ABCA12: variants seen among roughly 807,000 people sequenced by gnomAD.
The protein encoded by ABCA12 is ATP binding cassette subfamily A member 12, also known as glucosylceramide transporter ABCA12.
A neutral mutation model predicts 293.5 loss-of-function variants in ABCA12; 156 were observed. That is an observed-to-expected ratio of 0.53 (90% CI 0.47 to 0.61). The LOEUF (loss-of-function observed/expected upper bound fraction) is 0.61. Among genes scored for constraint, ABCA12 ranks in the 20% least tolerant of loss-of-function variants. The probability of loss-of-function intolerance (pLI) is 0.00; values close to 1 mark genes in which losing one functional copy is unlikely to be tolerated. For synonymous variants in ABCA12, 1,063 were observed against 1,108.0 expected, an observed-to-expected ratio of 0.96 and a Z score of 0.81; for missense variants, 2,797 against 3,090.2, an observed-to-expected ratio of 0.91 and a Z score of 2.25.
At chr2:215,000,570 C>G (rs1355089254) in intron 22 of ABCA12, 135 bp downstream of exon 22, 1 of 981,708 alleles carries the variant, frequency 1.0e-6, no homozygotes, top group Non-Finnish European at 1.6e-6. Context: ...AGTGTGAACT[C>G]TTTCTCAAAA....
At chr2:215,055,640 C>T (rs978011939) in intron 3 of ABCA12, among the ~76,000 whole-genome samples, 25 of 152,122 alleles carry the variant, frequency 1.6e-4, no homozygotes, top group Admixed American at 5.9e-4. Context: ...CATGGTTCAA[C>T]TTGACTTCTG....
intron 2 of ABCA12, among the ~76,000 whole-genome samples, chr2:215,097,071 C>A (rs1702261686): frequency 1.3e-5 from 2 of 152,138 alleles, no homozygotes; most frequent in African/African-American, 4.8e-5. Context: ...CATACTTAGT[C>A]AATTACAATT....
chr2:214,973,140 A>G (rs2105955024), intron 36 of ABCA12, among the ~76,000 whole-genome samples: 2 of 152,216 alleles, frequency 1.3e-5, no homozygotes, highest in East Asian at 3.9e-4. Flanking sequence ...TAATTTTTAA[A>G]TATGCAGGGA....
rs189714256 is a variant in ABCA12 at position 215,039,250 on chromosome 2, T to C, written c.873-2185A>G. The stretch of plus-strand genomic sequence containing the variant: ...ACAATGTAAAAAAATGCTGGAGAAA[T>C]AACAAAAATTCCTGTGGGGTCCATT... On this transcript the variant is annotated intron_variant, in intron 7 of 52. Transcript: ENST00000272895. Among the ~76,000 whole-genome samples the C allele has an allele frequency of 4.2e-4, 64 of 152,246 alleles. 1 individual carries two copies. Among genetic ancestry groups the C allele is most frequent in the African/African-American group, 1.5e-3 (61 of 41,540 alleles).
At chr2:214,958,085 A>G (rs904531980) in intron 41 of ABCA12, among the ~76,000 whole-genome samples, 192 bp downstream of exon 41, 1 of 152,150 alleles carries the variant, frequency 6.6e-6, no homozygotes, top group Admixed American at 6.6e-5. Flanking sequence ...GTCCACAGAG[A>G]TGAGGGCCGG....
At chr2:215,090,714 C>A (rs901376019) in intron 2 of ABCA12, among the ~76,000 whole-genome samples, 1 of 152,144 alleles carries the variant, frequency 6.6e-6, no homozygotes, top group African/African-American at 2.4e-5. Context: ...CTTGATCCTT[C>A]ACCTTAGTGG....
chr2:215,064,119 G>C lies in ABCA12; in HGVS notation c.264C>G (p.Gly88=). 3 of 1,612,934 alleles carry C rather than the reference G, an allele frequency of 1.9e-6. No individual in the cohort carries two copies. The highest frequency in any genetic ancestry group is 2.5e-6 in the Non-Finnish European group (3 of 1,179,240). ...TDSKCKDTPY[G]PQDLLRRKGI... ...CTTTCCTACGAAGCAGATCTTGTGG[G>C]CCATAGGGTGTGTCTTTGCATTTAG... The change falls in exon 3 of 53, where the codon GGC becomes GGG. Residue 88 remains glycine, a synonymous_variant. Transcript: ENST00000272895.
intron 2 of ABCA12, among the ~76,000 whole-genome samples, chr2:215,067,797 C>T (rs984166876): frequency 6.6e-5 from 10 of 152,138 alleles, no homozygotes; most frequent in African/African-American, 2.4e-4. Flanking sequence ...AACACTGACA[C>T]AGTCCACGTT....
intron 3 of ABCA12, among the ~76,000 whole-genome samples, chr2:215,062,171 C>G (rs957795726): frequency 3.3e-5 from 5 of 151,982 alleles, no homozygotes; most frequent in African/African-American, 1.2e-4. Context: ...GTTCTATCTC[C>G]TATTATTGTT....
At position 214,970,785 on chromosome 2, in the gene ABCA12, G is replaced by A. The variant is rs1574951400; in HGVS notation, c.5563-385C>T. Among the ~76,000 whole-genome samples, 4 of 152,190 alleles carry A rather than the reference G, an allele frequency of 2.6e-5. No individual in the cohort carries two copies. The South Asian group carries it at 8.3e-4, about 31-fold the overall frequency. ...AGGAAAAAAATATTTGCCACAAATT[G>A]AAAATATAACACTTTTCAAGGATTG... On this transcript the variant is annotated intron_variant, in intron 36 of 52. Coordinates refer to ENST00000272895, the MANE Select transcript of ABCA12 (RefSeq NM_173076.3).
Position 215,054,641 on chromosome 2 carries a change from T to C in ABCA12, c.341A>G (p.Asn114Ser). ...KDSEILRKSSNLDKDSSLSFQ... is the reference protein window; with the variant it reads ...KDSEILRKSSSLDKDSSLSFQ... ...TGATAAACTGCTGTCCTTATCCAGGTTGGATGACTTTCTCAGAATCTCACT... is the reference window on the plus strand; with the variant it reads ...TGATAAACTGCTGTCCTTATCCAGGCTGGATGACTTTCTCAGAATCTCACT... Residue 114 changes from asparagine to serine, a missense_variant, in exon 4 of 53, where the codon AAC becomes AGC. By Grantham distance (46) the Asn-to-Ser change is conservative (BLOSUM62 1). Coordinates refer to ENST00000272895, the MANE Select transcript of ABCA12 (RefSeq NM_173076.3). The C allele has an allele frequency of 6.2e-7, 1 of 1,611,946 alleles. No individual in the cohort carries two copies. The highest frequency in any genetic ancestry group is 1.3e-5 in the African/African-American group (1 of 74,902).
intron 1 of ABCA12, among the ~76,000 whole-genome samples, chr2:215,126,744 C>A (rs1041424068): frequency 2.6e-5 from 4 of 152,018 alleles, no homozygotes; most frequent in Non-Finnish European, 5.9e-5. Flanking sequence ...TTTCAAAAAA[C>A]CAGCTTTTTG....
chr2:215,138,560 A>G lies in ABCA12; in HGVS notation c.-352T>C, dbSNP rs1432376820. Reference sequence around the variant, plus strand: ...GCATCATTCAGATAATGCCTCACTGAAAAAAAAAAAAAAGCAGCAGCTGAA... The same window carrying G: ...GCATCATTCAGATAATGCCTCACTGGAAAAAAAAAAAAAGCAGCAGCTGAA... On this transcript the variant is annotated 5_prime_UTR_variant, in exon 1 of 53. Transcript: ENST00000272895. The G allele has an allele frequency of 1.6e-5, 2 of 123,926 alleles. No homozygotes were observed. The highest frequency in any genetic ancestry group is 4.1e-4 in the East Asian group (2 of 4,890). The allele number at this position is 123,926 out of a possible 1,614,324, so 7.7% of individuals were successfully genotyped here.
In ABCA12 at chr2:215,079,696, C is replaced by A. The variant is rs1050400302; in HGVS notation, c.164-15477G>T. 7.7e-4 allele frequency among the ~76,000 whole-genome samples: 103 copies of A among 134,144 alleles called. 1 individual carries two copies. The highest frequency in any genetic ancestry group is 2.6e-3 in the African/African-American group (101 of 39,370). The allele number at this position is 134,144 out of a possible 152,430, so 88.0% of individuals were successfully genotyped here. A position where few individuals can be genotyped will look rare whatever the true frequency, so the allele number is the denominator to read the frequency against. On this transcript the variant is annotated intron_variant, in intron 2 of 52. Transcript: ENST00000272895. ...TATTGCTCCTAGACATTCACAGATT[C>A]CCCCTGGGCATCAGACTCTTTTAAT... is the stretch of plus-strand genomic sequence containing the variant.
rs2105976738 is a variant in ABCA12, at chr2:214,990,910, A to G, written c.3416T>C (p.Leu1139Pro). 3 of 1,614,108 alleles carry G rather than the reference A, an allele frequency of 1.9e-6. No individual in the cohort carries two copies. The highest frequency in any genetic ancestry group is 2.5e-6 in the Non-Finnish European group (3 of 1,179,978). The change falls in exon 24 of 53, where the codon CTT becomes CCT. Residue 1139 changes from leucine (L) to proline (P), a missense_variant. Transcript: ENST00000272895. ...CAAAATGAACCCATTTGTTTTAGGA[A>G]GAATATTGCCAAACTTGAGTATAAT... ...LIIILKFGNI[L>P]PKTNGFILFL...
intron 5 of ABCA12, chr2:215,050,731 A>G (rs977116288): frequency 8.0e-5 from 73 of 912,706 alleles, no homozygotes; most frequent in Non-Finnish European, 9.0e-5. Context: ...AGGATGTACT[A>G]TAAGTGTTAG....
intron 33 of ABCA12, among the ~76,000 whole-genome samples, chr2:214,976,592 C>G (rs1237126750): frequency 6.6e-6 from 1 of 152,166 alleles, no homozygotes; most frequent in Non-Finnish European, 1.5e-5. Context: ...GGGAAATCCT[C>G]TCTTCCAGAG....
At chr2:215,038,565 G>A (rs1407280268) in intron 7 of ABCA12, among the ~76,000 whole-genome samples, 1 of 152,154 alleles carries the variant, frequency 6.6e-6, no homozygotes, top group African/African-American at 2.4e-5. Context: ...CTGTATACAT[G>A]ACTGGTGACA....
intron 36 of ABCA12, among the ~76,000 whole-genome samples, chr2:214,972,784 TA>T (rs1699415390): frequency 6.6e-6 from 1 of 152,004 alleles, no homozygotes; most frequent in South Asian, 2.1e-4. Context: ...ACTAAAGAAA[TA>T]CATAAAGAAC....
Sources: gnomAD v4.1 joint callset for allele counts (sites outside exome capture counted in the v4.1 genomes callset) on GRCh38, gnomAD v4.1.1 for gene constraint, MANE v1.5 for transcripts, NCBI Gene and HGNC (gene_info 2026-07-23, HGNC 2026-07-21) for gene names.